HNRNPR: variants seen among roughly 807,000 people sequenced by gnomAD.
HNRNPR encodes heterogeneous nuclear ribonucleoprotein R.
Under a neutral mutation model 70.3 loss-of-function variants are expected in HNRNPR, and 4 were observed. That is an observed-to-expected ratio of 0.06 (90% confidence interval 0.03 to 0.13). HNRNPR has a LOEUF of 0.13. HNRNPR is among the 10% of genes least tolerant of loss of function. HNRNPR has a pLI of 1.00. For synonymous variants in HNRNPR, 241 were observed against 267.6 expected (o/e 0.90, Z 0.97); for missense variants, 423 against 788.5 (o/e 0.54, Z 5.55).
At position 23,308,100 on chromosome 1, in the gene HNRNPR, G is replaced by C. The variant is rs1042834756; in HGVS notation, c.*2354C>G. The C allele has an allele frequency of 1.3e-5, 2 of 151,910 alleles. No homozygotes were observed. Among genetic ancestry groups the C allele is most frequent in the Non-Finnish European group, 2.9e-5 (2 of 67,888 alleles). 9.4% of individuals were successfully genotyped at this position (151,910 alleles called of 1,614,324 possible). ...AAGCTCTTGAGTTTTAATGTTTATA[G>C]GATTATGCTTTACAATTTAAAATAG... On this transcript the variant is annotated 3_prime_UTR_variant, in exon 11 of 11. Transcript: ENST00000302271.
At position 23,318,973 on chromosome 1, in the gene HNRNPR, C is replaced by T. The variant is rs968381565; in HGVS notation, c.812-285G>A. ...CAATGTTTTAGAGCGTTTGATATAA[C>T]ATGACTTTATTAAAGCACTAACAAG... On this transcript the variant is annotated intron_variant, in intron 7 of 10. Transcript: ENST00000302271. This position sits in a 1 kb window ranked among gnomAD's most constrained non-coding sequence, Gnocchi z 4.2. Among the ~76,000 whole-genome samples, 6 of 152,172 alleles carry T rather than the reference C, an allele frequency of 3.9e-5. No individual in the cohort carries two copies. Among genetic ancestry groups the T allele is most frequent in the Admixed American group, 2.0e-4 (3 of 15,278 alleles).
chr1:23,308,533 A>T lies in HNRNPR; in HGVS notation c.*1921T>A, dbSNP rs1053941593. The T allele has an allele frequency of 6.6e-6, 1 of 152,090 alleles. No individual in the cohort carries two copies. Among genetic ancestry groups the T allele is most frequent in the Non-Finnish European group, 1.5e-5 (1 of 67,912 alleles). 9.4% of individuals were successfully genotyped at this position (152,090 alleles called of 1,614,324 possible). A position where few individuals can be genotyped will look rare whatever the true frequency, so the allele number is the denominator to read the frequency against. On this transcript the variant is annotated 3_prime_UTR_variant, in exon 11 of 11. Transcript: ENST00000302271. ...GAATGTTTGGTGTCTTTACTTGCAT[A>T]CATGGGCATAAGAAAAACAACTGGA...
At position 23,338,595 on chromosome 1, in the gene HNRNPR, A is replaced by G. The variant is rs1646592190; in HGVS notation, c.171T>C (p.Tyr57=). 1.3e-6 allele frequency: 2 copies of G among 1,572,604 alleles called. No homozygotes were observed. The highest frequency in any genetic ancestry group is 1.7e-6 in the Non-Finnish European group (2 of 1,153,430). ...DEIFQTGLVA[Y]VDLDERAIDA... is the part of the protein sequence containing the mutation. ...CAATTGCTCTTTCATCAAGATCGACATAAGCTACCAATCCTAAAAATTAAA... is the reference window on the plus strand; with the variant it reads ...CAATTGCTCTTTCATCAAGATCGACGTAAGCTACCAATCCTAAAAATTAAA... The change falls in exon 3 of 11, where the codon TAT becomes TAC. Residue 57 remains tyrosine, a synonymous_variant. Transcript: ENST00000302271.
chr1:23,324,088 G>A lies in HNRNPR; in HGVS notation c.499-356C>T, dbSNP rs190842531. ...AGCACTTTGAGAGGCCAAGGAAGGC[G>A]GATCACTTGAGTCTAGGAGTTCAAA... On this transcript the variant is annotated intron_variant, in intron 5 of 10. Transcript: ENST00000302271. Among the ~76,000 whole-genome samples, 114 of 151,550 alleles carry A rather than the reference G, an allele frequency of 7.5e-4. 1 individual carries two copies. The highest frequency in any genetic ancestry group is 2.4e-3 in the African/African-American group (98 of 41,312).
intron 2 of HNRNPR, among the ~76,000 whole-genome samples, 166 bp from the exon 3 acceptor site, chr1:23,338,774 C>T (rs1646600484): frequency 6.6e-6 from 1 of 152,042 alleles, no homozygotes; most frequent in Non-Finnish European, 1.5e-5. Flanking sequence ...ATAGAAAGGT[C>T]CAGGACAAAT....
chr1:23,307,826 C>G lies in HNRNPR; in HGVS notation c.*2628G>C, dbSNP rs1645225962. The G allele has an allele frequency of 6.6e-6, 1 of 151,096 alleles. No individual in the cohort carries two copies. Among genetic ancestry groups the G allele is most frequent in the African/African-American group, 2.4e-5 (1 of 41,114 alleles). 9.4% of individuals were successfully genotyped at this position (151,096 alleles called of 1,614,324 possible). On this transcript the variant is annotated 3_prime_UTR_variant, in exon 11 of 11. Transcript: ENST00000302271. ...ACTGTAACAGGCTCATAAATAAAGC[C>G]AAATCAATTAGCTTGGGGAACAAAA...
chr1:23,338,088 T>A (rs1225987346), intron 3 of HNRNPR: 1 of 441,438 alleles, frequency 2.3e-6, no homozygotes. Context: ...AACACAGTCT[T>A]CCACTTGTTG....
intron 1 of HNRNPR, among the ~76,000 whole-genome samples, chr1:23,341,716 T>C (rs1646709688): frequency 1.3e-5 from 2 of 151,996 alleles, no homozygotes; most frequent in Non-Finnish European, 2.9e-5. Flanking sequence ...TTAGGTTGCT[T>C]CTTAAAAAAA....
chr1:23,339,850 A>G (rs1339083910), intron 2 of HNRNPR, among the ~76,000 whole-genome samples: 1 of 152,298 alleles, frequency 6.6e-6, no homozygotes, highest in East Asian at 1.9e-4. Context: ...GCCTCTTATC[A>G]ATAACAAAAC....
rs1645630374 is a variant in HNRNPR at position 23,318,370 on chromosome 1, T to TG, written c.1017+112dup. The TG allele has an allele frequency of 2.3e-6, 2 of 872,428 alleles. No individual in the cohort carries two copies. Among genetic ancestry groups the TG allele is most frequent in the East Asian group, 2.6e-5 (1 of 39,038 alleles). The allele number at this position is 872,428 out of a possible 1,614,324, so 54.0% of individuals were successfully genotyped here. On this transcript the variant is annotated intron_variant, in intron 8 of 10. Coordinates refer to ENST00000302271, the MANE Select transcript of HNRNPR (RefSeq NM_005826.5). This position sits in a 1 kb window ranked among gnomAD's most constrained non-coding sequence, Gnocchi z 4.2. ...TTAAAGCCGCTCCTTGCCAAACAGT[T>TG]GAAGTCTAAAGCTACAATTTCTATT...
At position 23,323,604 on chromosome 1, in the gene HNRNPR, T is replaced by C. The variant is rs760936825; in HGVS notation, c.627A>G (p.Ala209=). Residue 209 remains alanine, a synonymous_variant, in exon 6 of 11, where the codon GCA becomes GCG. Transcript: ENST00000302271. ...DPLSGQNRGY[A]FITFCGKEAA... ...CTTCCTTTCCACAGAAGGTGATAAA[T>C]GCATACCCTCTATTCTGACCGGACA... 1 of 1,614,086 alleles carries C rather than the reference T, an allele frequency of 6.2e-7. No homozygotes were observed. The highest frequency in any genetic ancestry group is 8.5e-7 in the Non-Finnish European group (1 of 1,179,950).
intron 5 of HNRNPR, among the ~76,000 whole-genome samples, chr1:23,331,834 T>TAAAAAAAAAAAAAAAAAA (rs59006948): frequency 5.1e-5 from 3 of 59,270 alleles, no homozygotes; most frequent in African/African-American, 1.4e-4. Context: ...ACTGTTTCTT[T>TAAAAAAAAAAAAAAAAAA]AAAAAAAAAA....
At position 23,305,214 on chromosome 1, in the gene HNRNPR, A is replaced by C. The variant is rs1343895228; in HGVS notation, c.*5240T>G. 2 of 152,176 alleles carry C rather than the reference A, an allele frequency of 1.3e-5. No homozygotes were observed. Among genetic ancestry groups the C allele is most frequent in the Non-Finnish European group, 2.9e-5 (2 of 68,020 alleles). The allele number at this position is 152,176 out of a possible 1,614,324, so 9.4% of individuals were successfully genotyped here. A position where few individuals can be genotyped will look rare whatever the true frequency, so the allele number is the denominator to read the frequency against. The stretch of plus-strand genomic sequence containing the variant: ...ACTTACATAAACTCATCAGAATTAC[A>C]TGAATATTCCTACTGCTTACCTTAA... On this transcript the variant is annotated 3_prime_UTR_variant, in exon 11 of 11. Transcript: ENST00000302271.
Position 23,313,785 on chromosome 1 carries a change from CTT to C in HNRNPR, c.1018-85_1018-84del, listed in dbSNP as rs1352058143. 2.1e-6 allele frequency: 3 copies of C among 1,408,254 alleles called. No individual in the cohort carries two copies. The Admixed American group carries it at 8.1e-5, about 38-fold the overall frequency. 87.2% of individuals were successfully genotyped at this position (1,408,254 alleles called of 1,614,324 possible). On this transcript the variant is annotated intron_variant, in intron 8 of 10. Coordinates refer to ENST00000302271, the MANE Select transcript of HNRNPR (RefSeq NM_005826.5). ...GTTTCTTCCTGTCTTCATAGCATAG[CTT>C]TTCTCCTCTAAAACATTAAGTGCTA...
At chr1:23,324,786 C>T (rs1645899372) in intron 5 of HNRNPR, among the ~76,000 whole-genome samples, 2 of 151,904 alleles carry the variant, frequency 1.3e-5, no homozygotes, top group South Asian at 2.1e-4. Flanking sequence ...CAGTCAAAAA[C>T]CCTCATTTGA....
rs549176526 is a variant in HNRNPR, at chr1:23,308,149, T to C, written c.*2305A>G. The C allele has an allele frequency of 1.3e-5, 2 of 152,000 alleles. No homozygotes were observed. Among genetic ancestry groups the C allele is most frequent in the Non-Finnish European group, 2.9e-5 (2 of 67,894 alleles). 9.4% of individuals were successfully genotyped at this position (152,000 alleles called of 1,614,324 possible). A position where few individuals can be genotyped will look rare whatever the true frequency, so the allele number is the denominator to read the frequency against. ...AGCCACAAAACCTATAAACCAAATATTAGAGGGTACCTCTGCAAATATATT... is the reference window on the plus strand; with the variant it reads ...AGCCACAAAACCTATAAACCAAATACTAGAGGGTACCTCTGCAAATATATT... On this transcript the variant is annotated 3_prime_UTR_variant, in exon 11 of 11. Coordinates refer to ENST00000302271, the MANE Select transcript of HNRNPR (RefSeq NM_005826.5).
chr1:23,316,397 G>C (rs1645548899), intron 8 of HNRNPR, among the ~76,000 whole-genome samples: 2 of 152,114 alleles, frequency 1.3e-5, no homozygotes, highest in Admixed American at 6.5e-5. Context: ...ACCTGTTTTA[G>C]ATCTAGGAAA....
rs191672859 is a variant in HNRNPR at position 23,313,820 on chromosome 1, T to A, written c.1018-118A>T. 1.4e-4 allele frequency: 158 copies of A among 1,127,734 alleles called. No individual in the cohort carries two copies. In the African/African-American group the frequency reaches 2.5e-3, roughly 18 times the overall value. The allele number at this position is 1,127,734 out of a possible 1,614,324, so 69.9% of individuals were successfully genotyped here. On this transcript the variant is annotated intron_variant, in intron 8 of 10. Transcript: ENST00000302271. ...CTAAAACATTAAGTGCTAAAAGTGT[T>A]GTTACAGGTAGTAAGAGAAATTGCT... is the stretch of plus-strand genomic sequence containing the variant.
At chr1:23,322,639 A>G (rs187723298) in intron 6 of HNRNPR, among the ~76,000 whole-genome samples, 63 of 152,326 alleles carry the variant, frequency 4.1e-4, no homozygotes, top group Middle Eastern at 3.4e-3. Context: ...TGAAAACTTA[A>G]TATTAAATAA....
Sources: allele counts gnomAD v4.1 joint callset (sites outside exome capture counted in the v4.1 genomes callset), GRCh38; gene constraint gnomAD v4.1.1; non-coding constraint Gnocchi (gnomAD v3.1); transcripts MANE v1.5; gene names NCBI Gene and HGNC (gene_info 2026-07-23, HGNC 2026-07-21).